The following VOPP1 variants were observed in gnomAD, a reference collection of about 807,000 sequenced individuals.
VOPP1 encodes the protein VOPP1 WW domain binding protein.
VOPP1 carries 8 observed loss-of-function variants against 23.5 expected under a neutral mutation model. The observed-to-expected ratio is 0.34, with a 90% confidence interval of 0.20 to 0.61. The LOEUF is 0.61. Among genes scored for constraint, VOPP1 ranks in the 20% least tolerant of loss-of-function variants. VOPP1 has a pLI of 0.78. For synonymous variants in VOPP1, 83 were observed against 97.3 expected, an observed-to-expected ratio of 0.85 and a Z score of 0.86; for missense variants, 174 against 238.1, an observed-to-expected ratio of 0.73 and a Z score of 1.77.
chr7:55,478,783 C>T (rs1427206599), intron 4 of VOPP1, among the ~76,000 whole-genome samples: 2 of 152,188 alleles, frequency 1.3e-5, no homozygotes, highest in Admixed American at 6.5e-5. Flanking sequence ...TTCTAGCCAC[C>T]GAGGAATGCT....
At chr7:55,497,785 G>C (rs751542194) in intron 2 of VOPP1, 95 bp from the exon 3 acceptor site, 37 of 1,080,478 alleles carry the variant, frequency 3.4e-5, no homozygotes, top group Non-Finnish European at 4.7e-5. Context: ...AATCATTCTT[G>C]AAGGAAGAAA....
chr7:55,519,884 T>G (rs541118563), intron 2 of VOPP1, among the ~76,000 whole-genome samples: 1 of 152,316 alleles, frequency 6.6e-6, no homozygotes, highest in African/African-American at 2.4e-5. Context: ...TCCCAGCACT[T>G]TGGGAGGCCA....
At chr7:55,559,169 C>T (rs765439513) in intron 1 of VOPP1, among the ~76,000 whole-genome samples, 1 of 152,164 alleles carries the variant, frequency 6.6e-6, no homozygotes, top group African/African-American at 2.4e-5. Flanking sequence ...GAACCATACA[C>T]ACAACTGAAT....
At chr7:55,466,960 G>C (rs1057416208), downstream of VOPP1, among the ~76,000 whole-genome samples, 1 of 152,110 alleles carries the variant, frequency 6.6e-6, no homozygotes, top group Non-Finnish European at 1.5e-5. Flanking sequence ...ATTTTTCCAC[G>C]GACCAGGGGG....
intron 4 of VOPP1, among the ~76,000 whole-genome samples, chr7:55,443,545 CT>C (rs1328233149): frequency 3.3e-5 from 5 of 152,010 alleles, no homozygotes; most frequent in African/African-American, 1.2e-4. Flanking sequence ...CAGAGAGAGA[CT>C]CTGTCTCAAA....
intron 4 of VOPP1, among the ~76,000 whole-genome samples, chr7:55,461,228 T>C (rs1358517157): frequency 6.6e-6 from 1 of 152,066 alleles, no homozygotes; most frequent in East Asian, 1.9e-4. Flanking sequence ...CTTTGGGGAC[T>C]CACGGGGAAA....
chr7:55,510,963 A>G (rs146413517), intron 2 of VOPP1, among the ~76,000 whole-genome samples: 1 of 151,892 alleles, frequency 6.6e-6, no homozygotes, highest in African/African-American at 2.4e-5. Context: ...CCCCATTTCT[A>G]CAGTTCTCAC....
chr7:55,537,382 C>T (rs1423850751), intron 1 of VOPP1: 18 of 1,376,310 alleles, frequency 1.3e-5, no homozygotes, highest in South Asian at 2.5e-5. Flanking sequence ...CCACTGATTT[C>T]GTGCTCCAGC....
intron 1 of VOPP1, among the ~76,000 whole-genome samples, chr7:55,547,651 G>A (rs902109590): frequency 6.6e-6 from 1 of 152,124 alleles, no homozygotes; most frequent in Non-Finnish European, 1.5e-5. Flanking sequence ...GCTACCAATA[G>A]ACATGTTTTG....
rs747089922 is a variant in VOPP1 at position 55,572,361 on chromosome 7, G to A, written c.-37C>T. The A allele has an allele frequency of 9.2e-6, 12 of 1,301,852 alleles. No individual in the cohort carries two copies. The highest frequency in any genetic ancestry group is 1.2e-5 in the Non-Finnish European group (12 of 1,024,760). 80.6% of individuals were successfully genotyped at this position (1,301,852 alleles called of 1,614,324 possible). A position where few individuals can be genotyped will look rare whatever the true frequency, so the allele number is the denominator to read the frequency against. On this transcript the variant is annotated 5_prime_UTR_variant, in exon 1 of 5. Coordinates refer to ENST00000285279, the MANE Select transcript of VOPP1 (RefSeq NM_030796.5). ...TCCTCTCCAGCGCGCCCGGACGCCGGGTCGCAGGCGCGCTTCGCGACTCGG... is the reference window on the plus strand; with the variant it reads ...TCCTCTCCAGCGCGCCCGGACGCCGAGTCGCAGGCGCGCTTCGCGACTCGG...
At chr7:55,480,069 C>T (rs1583860974) in intron 4 of VOPP1, among the ~76,000 whole-genome samples, 1 of 152,240 alleles carries the variant, frequency 6.6e-6, no homozygotes. Flanking sequence ...ATTCAGTTTC[C>T]TAAATATGAT....
downstream of VOPP1, among the ~76,000 whole-genome samples, chr7:55,469,078 AC>A (rs1281012121): frequency 6.6e-6 from 1 of 152,186 alleles, no homozygotes; most frequent in Admixed American, 6.5e-5. Context: ...ATGAGTGTTC[AC>A]GGTAATTTTT....
At chr7:55,537,516 C>T (rs1161663573) in intron 1 of VOPP1, 11 of 1,536,008 alleles carry the variant, frequency 7.2e-6, no homozygotes, top group Admixed American at 2.0e-5. Flanking sequence ...CATGTGAGCC[C>T]GTCCTTCGCA....
In VOPP1 at chr7:55,514,427, C is replaced by T. The variant is rs148574787; in HGVS notation, c.113+6645G>A. Among the ~76,000 whole-genome samples, 681 of 152,314 alleles carry T rather than the reference C, an allele frequency of 4.5e-3. 5 individuals carry two copies. The highest frequency in any genetic ancestry group is 0.01 in the Middle Eastern group (3 of 294). The stretch of plus-strand genomic sequence containing the variant: ...CCTGATGGCATAGCAGGTCTAGAGA[C>T]GATCTCTTGAACTCCAGCCCCTTAA... On this transcript the variant is annotated intron_variant, in intron 2 of 4. Transcript: ENST00000285279.
intron 4 of VOPP1, among the ~76,000 whole-genome samples, chr7:55,436,489 G>A (rs1790825265): frequency 6.6e-6 from 1 of 152,216 alleles, no homozygotes; most frequent in Non-Finnish European, 1.5e-5. Flanking sequence ...GCACTCACCT[G>A]CCTGCATCGT....
At chr7:55,527,504 A>G (rs1333707819) in intron 1 of VOPP1, among the ~76,000 whole-genome samples, 1 of 152,214 alleles carries the variant, frequency 6.6e-6, no homozygotes, top group East Asian at 1.9e-4. Context: ...GCCCAACCAC[A>G]GATCCCCAGG....
chr7:55,509,600 T>TAGC (rs199881030), intron 2 of VOPP1, among the ~76,000 whole-genome samples: 1,672 of 152,346 alleles, frequency 0.011, 11 homozygotes, highest in Middle Eastern at 0.02. Context: ...AGCAGCTGGT[T>TAGC]AGCTGTTATA....
At chr7:55,524,804 G>C (rs927678430) in intron 1 of VOPP1, among the ~76,000 whole-genome samples, 1 of 152,126 alleles carries the variant, frequency 6.6e-6, no homozygotes, top group African/African-American at 2.4e-5. Flanking sequence ...GCCCAGGGTT[G>C]AGAGCCGGGT....
intron 1 of VOPP1, among the ~76,000 whole-genome samples, chr7:55,562,488 G>A (rs1257401244): frequency 6.6e-6 from 1 of 152,178 alleles, no homozygotes; most frequent in African/African-American, 2.4e-5. Flanking sequence ...TGTCAAAAAT[G>A]GTAAGGCTTT....
Sources: gnomAD v4.1 joint callset for allele counts (sites outside exome capture counted in the v4.1 genomes callset) on GRCh38, gnomAD v4.1.1 for gene constraint, MANE v1.5 for transcripts, NCBI Gene and HGNC (gene_info 2026-07-23, HGNC 2026-07-21) for gene names.